USP12: variants seen among roughly 807,000 people sequenced by gnomAD.
USP12 encodes ubiquitin carboxyl-terminal hydrolase 12.
A neutral mutation model predicts 45.5 loss-of-function variants in USP12; 19 were observed. The ratio of observed to expected loss-of-function variants is 0.42; its 90% CI spans 0.29 to 0.61. USP12 has a LOEUF of 0.61. USP12 is among the 20% of genes least tolerant of loss of function. USP12 has a pLI of 0.22. For missense variants in USP12, 242 were observed against 447.7 expected (o/e 0.54, Z 4.15); for synonymous variants, 149 against 148.8 (o/e 1.00, Z -0.01).
intron 6 of USP12, 52 bp downstream of exon 6, chr13:27,089,831 A>G (rs1874233214): frequency 6.4e-7 from 1 of 1,565,898 alleles, no homozygotes; most frequent in Non-Finnish European, 8.7e-7. Context: ...CACCTCCAAC[A>G]TCAATTACAA....
chr13:27,066,565 T>A lies in USP12; in HGVS notation c.*2718A>T, dbSNP rs184381100. On this transcript the variant is annotated 3_prime_UTR_variant, in exon 9 of 9. Coordinates refer to ENST00000282344, the MANE Select transcript of USP12 (RefSeq NM_182488.4). ...CCACATAATACAACATTTCCCTCTT[T>A]CCCTGTTCCCAAGCCTCCTGGTTCC... 2.0e-5 allele frequency: 3 copies of A among 152,320 alleles called. No homozygotes were observed. The highest frequency in any genetic ancestry group is 2.0e-4 in the Admixed American group (3 of 15,298). 9.4% of individuals were successfully genotyped at this position (152,320 alleles called of 1,614,324 possible).
intron 2 of USP12, among the ~76,000 whole-genome samples, chr13:27,114,480 C>T (rs937959858): frequency 5.9e-5 from 9 of 152,178 alleles, no homozygotes; most frequent in Admixed American, 2.0e-4. Flanking sequence ...GGTCCTCAAG[C>T]TACACTAGTA....
chr13:27,135,179 C>G (rs1204445648), intron 1 of USP12, among the ~76,000 whole-genome samples: 1 of 151,892 alleles, frequency 6.6e-6, no homozygotes, highest in Non-Finnish European at 1.5e-5. Context: ...CCCAGCTACT[C>G]AGGAAGCTGA....
At chr13:27,102,382 G>C (rs1418799188) in intron 3 of USP12, among the ~76,000 whole-genome samples, 1 of 152,046 alleles carries the variant, frequency 6.6e-6, no homozygotes, top group East Asian at 1.9e-4. Context: ...ATGCTGCCCA[G>C]GCCCACCCAG....
Position 27,171,692 on chromosome 13 carries a change from G to C in USP12, c.-53C>G. The C allele has an allele frequency of 8.6e-7, 1 of 1,157,728 alleles. No homozygotes were observed. The highest frequency in any genetic ancestry group is 1.1e-6 in the Non-Finnish European group (1 of 904,778). The allele number at this position is 1,157,728 out of a possible 1,614,324, so 71.7% of individuals were successfully genotyped here. ...ACAGCGGCGGCGGCGGGCGGGGGAG[G>C]AGGGGAGCCGGGCCGCCCGCTCGCA... On this transcript the variant is annotated 5_prime_UTR_variant, in exon 1 of 9. Coordinates refer to ENST00000282344, the MANE Select transcript of USP12 (RefSeq NM_182488.4).
At chr13:27,108,124 G>T (rs1053250961) in intron 2 of USP12, among the ~76,000 whole-genome samples, 2 of 151,996 alleles carry the variant, frequency 1.3e-5, no homozygotes, top group African/African-American at 4.8e-5. Flanking sequence ...CAAAGACTTG[G>T]AACCAACCCA....
chr13:27,070,386 T>C (rs1873191145), intron 8 of USP12, among the ~76,000 whole-genome samples: 1 of 152,170 alleles, frequency 6.6e-6, no homozygotes, highest in African/African-American at 2.4e-5. Flanking sequence ...ACCTGGATGG[T>C]AGTTACAAAT....
intron 1 of USP12, among the ~76,000 whole-genome samples, chr13:27,152,451 G>A (rs549546000): frequency 6.6e-6 from 1 of 152,078 alleles, no homozygotes; most frequent in Admixed American, 6.6e-5. Flanking sequence ...GTAAATCAGT[G>A]GTTGCCTAGG....
intron 1 of USP12, among the ~76,000 whole-genome samples, chr13:27,162,010 T>C (rs576105758): frequency 3.9e-5 from 6 of 152,240 alleles, no homozygotes; most frequent in Non-Finnish European, 7.3e-5. Flanking sequence ...TTTTCAAACT[T>C]TGAAATGACT....
chr13:27,102,785 C>T (rs186901284), intron 3 of USP12, among the ~76,000 whole-genome samples: 1,560 of 152,222 alleles, frequency 0.01, 23 homozygotes, highest in East Asian at 0.041. Context: ...CTGTCTGCTT[C>T]CCCACGAGGG....
At chr13:27,134,564 C>A (rs768519965) in intron 1 of USP12, among the ~76,000 whole-genome samples, 4 of 151,924 alleles carry the variant, frequency 2.6e-5, no homozygotes, top group African/African-American at 9.7e-5. Context: ...ACAAAATATA[C>A]TCTCTCAATT....
chr13:27,068,083 G>C lies in USP12; in HGVS notation c.*1200C>G, dbSNP rs1490674297. The C allele has an allele frequency of 6.6e-6, 1 of 152,204 alleles. No individual in the cohort carries two copies. The highest frequency in any genetic ancestry group is 2.4e-5 in the African/African-American group (1 of 41,406). 9.4% of individuals were successfully genotyped at this position (152,204 alleles called of 1,614,324 possible). On this transcript the variant is annotated 3_prime_UTR_variant, in exon 9 of 9. Transcript: ENST00000282344. ...TTGATTAAAATTTAATCTTTGAAGG[G>C]TTTGTTTAGCTCACTATCCAGGCTG...
Position 27,076,029 on chromosome 13 carries a change from C to CAAAAAAAAAAAAAAAA in USP12, c.735-657_735-642dup, listed in dbSNP as rs11458818. On this transcript the variant is annotated intron_variant, in intron 6 of 8. Coordinates refer to ENST00000282344, the MANE Select transcript of USP12 (RefSeq NM_182488.4). Reference sequence around the variant, plus strand: ...TGGGTGACAGAGCAAGGCTCCGTCTCAAAAAAAAAAAAAAAAAAGAGTGGT... The same window carrying CAAAAAAAAAAAAAAAA: ...TGGGTGACAGAGCAAGGCTCCGTCTCAAAAAAAAAAAAAAAAAAAAAAAAAAAAAAAAAAGAGTGGT... Among the ~76,000 whole-genome samples the CAAAAAAAAAAAAAAAA allele has an allele frequency of 3.4e-3, 329 of 97,912 alleles. 5 individuals carry two copies. Among genetic ancestry groups the CAAAAAAAAAAAAAAAA allele is most frequent in the Non-Finnish European group, 4.7e-3 (232 of 49,236 alleles). 64.2% of individuals were successfully genotyped at this position (97,912 alleles called of 152,430 possible).
At chr13:27,106,789 T>C (rs1293270144) in intron 2 of USP12, among the ~76,000 whole-genome samples, 3 of 152,068 alleles carry the variant, frequency 2.0e-5, no homozygotes, top group Non-Finnish European at 4.4e-5. Context: ...GAGAGATGGA[T>C]AAAAATGAGA....
intron 1 of USP12, chr13:27,117,874 T>C (rs1875817120): frequency 1.2e-5 from 6 of 515,770 alleles, no homozygotes; most frequent in South Asian, 2.8e-5. Context: ...AATGTGGCCC[T>C]GAGCACCATG....
At chr13:27,099,686 TA>T (rs1157823831) in intron 3 of USP12, among the ~76,000 whole-genome samples, 13 of 5,570 alleles carry the variant, frequency 2.3e-3, no homozygotes, top group African/African-American at 2.7e-3. Context: ...AAATTCACAA[TA>T]ATTTTTTTTC....
At chr13:27,137,186 A>C (rs1310270108) in intron 1 of USP12, among the ~76,000 whole-genome samples, 1 of 152,216 alleles carries the variant, frequency 6.6e-6, no homozygotes, top group African/African-American at 2.4e-5. Flanking sequence ...CTTCATTTTG[A>C]ACAAAGGGTT....
At chr13:27,087,606 T>C (rs902339499) in intron 6 of USP12, among the ~76,000 whole-genome samples, 5 of 152,194 alleles carry the variant, frequency 3.3e-5, no homozygotes, top group Admixed American at 3.3e-4. Context: ...GACATCCCAA[T>C]AGCAACGAGC....
chr13:27,083,443 C>G (rs755367641), intron 6 of USP12, among the ~76,000 whole-genome samples: 3 of 151,890 alleles, frequency 2.0e-5, no homozygotes, highest in Non-Finnish European at 4.4e-5. Context: ...TCAGCCTCCC[C>G]CTTGCCCCCA....
Sources: gnomAD v4.1 joint callset for allele counts (sites outside exome capture counted in the v4.1 genomes callset) on GRCh38, gnomAD v4.1.1 for gene constraint, MANE v1.5 for transcripts, NCBI Gene and HGNC (gene_info 2026-07-23, HGNC 2026-07-21) for gene names.